Variants in ERC2 observed in about 807,000 individuals in gnomAD.
The protein encoded by ERC2 is ERC protein 2.
ERC2 carries 42 observed loss-of-function variants against 114.8 expected under a neutral mutation model. The observed-to-expected ratio is 0.37, with a 90% confidence interval of 0.29 to 0.47. ERC2 has a LOEUF of 0.47. Ranked by LOEUF, ERC2 falls within the 20% of genes least tolerant of loss-of-function variation. The probability of loss-of-function intolerance (pLI) is 0.99; values close to 1 mark genes in which losing one functional copy is unlikely to be tolerated. For missense variants in ERC2, 939 were observed against 1,150.7 expected, an observed-to-expected ratio of 0.82 and a Z score of 2.66; for synonymous variants, 454 against 425.5, an observed-to-expected ratio of 1.07 and a Z score of -0.82.
intron 17 of ERC2, among the ~76,000 whole-genome samples, chr3:55,618,174 A>T (rs936795798): frequency 6.6e-6 from 1 of 152,168 alleles, no homozygotes; most frequent in African/African-American, 2.4e-5. Flanking sequence ...GTACCCTACC[A>T]CCCAGAAGAA....
chr3:56,465,776 G>T (rs557898180), intron 1 of ERC2, among the ~76,000 whole-genome samples: 1 of 152,348 alleles, frequency 6.6e-6, no homozygotes, highest in Non-Finnish European at 1.5e-5. Context: ...AATAAACAGA[G>T]TTACTAAATT....
At chr3:56,245,700 T>G (rs2051645749) in intron 3 of ERC2, among the ~76,000 whole-genome samples, 1 of 151,942 alleles carries the variant, frequency 6.6e-6, no homozygotes, top group Non-Finnish European at 1.5e-5. Context: ...CATGCCACCA[T>G]GCCAGGCTAA....
intron 3 of ERC2, among the ~76,000 whole-genome samples, chr3:56,280,472 G>C (rs1310839234): frequency 6.6e-6 from 1 of 152,128 alleles, no homozygotes; most frequent in Non-Finnish European, 1.5e-5. Flanking sequence ...GAGGTACGTG[G>C]TGGTGACAGC....
intron 17 of ERC2, among the ~76,000 whole-genome samples, chr3:55,655,112 C>T (rs945779577): frequency 2.0e-4 from 30 of 152,168 alleles, no homozygotes; most frequent in Admixed American, 6.5e-4. Flanking sequence ...ACAGCTCCCT[C>T]ACCCCTAAAG....
At chr3:56,177,733 G>A (rs563566806) in intron 3 of ERC2, among the ~76,000 whole-genome samples, 21 of 152,324 alleles carry the variant, frequency 1.4e-4, no homozygotes, top group Middle Eastern at 3.4e-3. Context: ...GTCCCAGCCT[G>A]AGACTTTGGG....
At chr3:56,227,700 G>T (rs2050342050) in intron 3 of ERC2, among the ~76,000 whole-genome samples, 1 of 152,184 alleles carries the variant, frequency 6.6e-6, no homozygotes, top group Non-Finnish European at 1.5e-5. Context: ...CGTGGTGCTG[G>T]TGGGAATGCA....
intron 2 of ERC2, among the ~76,000 whole-genome samples, chr3:56,350,395 G>C (rs1026992375): frequency 1.3e-5 from 2 of 152,158 alleles, no homozygotes; most frequent in East Asian, 3.9e-4. Context: ...CATATAGTAG[G>C]CCATGCCTAA....
At chr3:56,221,700 C>T (rs1202667175) in intron 3 of ERC2, among the ~76,000 whole-genome samples, 6 of 152,112 alleles carry the variant, frequency 3.9e-5, no homozygotes, top group Non-Finnish European at 7.4e-5. Flanking sequence ...GTCAGGAGAT[C>T]GAGACCATCC....
intron 2 of ERC2, among the ~76,000 whole-genome samples, chr3:56,416,403 C>A (rs1357057686): frequency 1.3e-5 from 2 of 152,090 alleles, no homozygotes; most frequent in African/African-American, 4.8e-5. Flanking sequence ...TCAACTATGT[C>A]ACACAAAGAA....
intron 1 of ERC2, among the ~76,000 whole-genome samples, chr3:56,442,560 C>T (rs1187357421): frequency 1.3e-5 from 2 of 152,144 alleles, no homozygotes; most frequent in Non-Finnish European, 2.9e-5. Context: ...GCTACTCCAG[C>T]TCGGCTTTAG....
chr3:56,256,212 C>G (rs1296484501), intron 3 of ERC2, among the ~76,000 whole-genome samples: 7 of 152,210 alleles, frequency 4.6e-5, no homozygotes. Context: ...CCTGCAGAGA[C>G]AACTAGGAAC....
intron 1 of ERC2, among the ~76,000 whole-genome samples, chr3:56,454,978 T>C (rs920307422): frequency 6.6e-6 from 1 of 151,954 alleles, no homozygotes; most frequent in Non-Finnish European, 1.5e-5. Flanking sequence ...TCTGATATCA[T>C]TTATATGAGG....
At chr3:56,103,357 T>A (rs113119205) in intron 6 of ERC2, among the ~76,000 whole-genome samples, 149 of 152,234 alleles carry the variant, frequency 9.8e-4, no homozygotes, top group African/African-American at 3.4e-3. Flanking sequence ...GGAAGTGGCA[T>A]GATCAAATAT....
intron 4 of ERC2, among the ~76,000 whole-genome samples, chr3:56,166,110 T>C (rs1404015359): frequency 3.9e-5 from 6 of 152,096 alleles, no homozygotes; most frequent in Admixed American, 6.6e-5. Flanking sequence ...TGGATGGATG[T>C]TGCATTAATC....
intron 17 of ERC2, among the ~76,000 whole-genome samples, chr3:55,589,478 T>C (rs1177820535): frequency 6.6e-6 from 1 of 152,134 alleles, no homozygotes; most frequent in Non-Finnish European, 1.5e-5. Flanking sequence ...AGCTGTGCAG[T>C]GGACAACTTG....
In ERC2 at chr3:56,344,082, C is replaced by T. The variant is rs1225101058; in HGVS notation, c.658-47647G>A. Among the ~76,000 whole-genome samples, 5 of 152,080 alleles carry T rather than the reference C, an allele frequency of 3.3e-5. No homozygotes were observed. The East Asian group carries it at 5.8e-4, about 18-fold the overall frequency. The stretch of plus-strand genomic sequence containing the variant: ...GAGTAAACAGGCAGAGAGAGGCAGA[C>T]GGATGTTTCAAATGCCATATTAAAC... On this transcript the variant is annotated intron_variant, in intron 2 of 17. Transcript: ENST00000288221.
chr3:56,343,192 T>TCTCTCTCACACACACACACA (rs1376220124), intron 2 of ERC2, among the ~76,000 whole-genome samples: 3 of 126,210 alleles, frequency 2.4e-5, no homozygotes, highest in African/African-American at 9.0e-5. Context: ...TCTCTCTCTC[T>TCTCTCTCACACACACACACA]CACACACACA....
At chr3:56,024,994 G>C (rs112490374) in intron 7 of ERC2, among the ~76,000 whole-genome samples, 7 of 152,318 alleles carry the variant, frequency 4.6e-5, no homozygotes, top group African/African-American at 1.7e-4. Flanking sequence ...ACAAGTTCAG[G>C]TGTTGTTGAA....
At chr3:55,862,186 G>GTA (rs1337520306) in intron 14 of ERC2, among the ~76,000 whole-genome samples, 2 of 151,988 alleles carry the variant, frequency 1.3e-5, no homozygotes, top group South Asian at 2.1e-4. Context: ...GTGTGTGTGT[G>GTA]TATATATATA....
Sources: allele counts gnomAD v4.1 joint callset (sites outside exome capture counted in the v4.1 genomes callset), GRCh38; gene constraint gnomAD v4.1.1; transcripts MANE v1.5; gene names NCBI Gene and HGNC (gene_info 2026-07-23, HGNC 2026-07-21).